The following PTPRR variants were observed in gnomAD, a reference collection of about 807,000 sequenced individuals.
PTPRR encodes receptor-type tyrosine-protein phosphatase R.
A neutral mutation model predicts 77.2 loss-of-function variants in PTPRR; 38 were observed. The ratio of observed to expected loss-of-function variants is 0.49; its 90% CI spans 0.38 to 0.65. The LOEUF is 0.65. Among genes scored for constraint, PTPRR ranks in the 30% least tolerant of loss-of-function variants. The pLI is 0.00. For synonymous variants in PTPRR, 299 were observed against 283.1 expected (o/e 1.06, Z -0.57); for missense variants, 744 against 799.2 (o/e 0.93, Z 0.83).
intron 8 of PTPRR, among the ~76,000 whole-genome samples, chr12:70,687,121 CTTTA>C (rs1388176126): frequency 1.3e-5 from 2 of 151,888 alleles, no homozygotes; most frequent in African/African-American, 2.4e-5. Flanking sequence ...TTAACAGTCT[CTTTA>C]TTTAGATTAG....
rs77215748 is a variant in PTPRR at position 70,823,495 on chromosome 12, C to G, written c.358-58717G>C. Reference sequence around the variant, plus strand: ...AATTATCAGCTCCTCCTCTATATTCCCAGAGTGCCCTACACTTATTTTTTG... The same window carrying G: ...AATTATCAGCTCCTCCTCTATATTCGCAGAGTGCCCTACACTTATTTTTTG... On this transcript the variant is annotated intron_variant, in intron 2 of 13. Transcript: ENST00000283228. Among the ~76,000 whole-genome samples, 654 of 152,260 alleles carry G rather than the reference C, an allele frequency of 4.3e-3. 7 individuals carry two copies. The highest frequency in any genetic ancestry group is 0.015 in the African/African-American group (629 of 41,562).
At chr12:70,878,805 T>G (rs1450559981) in intron 2 of PTPRR, among the ~76,000 whole-genome samples, 3 of 152,216 alleles carry the variant, frequency 2.0e-5, no homozygotes, top group Admixed American at 6.5e-5. Context: ...TGCACACGTA[T>G]GTTTATTGCA....
At chr12:70,873,465 A>T (rs1892996136) in intron 2 of PTPRR, among the ~76,000 whole-genome samples, 1 of 152,218 alleles carries the variant, frequency 6.6e-6, no homozygotes, top group Admixed American at 6.5e-5. Context: ...GTCAAGCTGG[A>T]TGAGATGCCC....
At chr12:70,808,242 C>G (rs770830253) in intron 2 of PTPRR, among the ~76,000 whole-genome samples, 1 of 152,094 alleles carries the variant, frequency 6.6e-6, no homozygotes, top group Non-Finnish European at 1.5e-5. Flanking sequence ...TGCTCTTGAA[C>G]TCTTTTAAGA....
At chr12:70,767,500 C>T (rs1261680835) in intron 2 of PTPRR, among the ~76,000 whole-genome samples, 2 of 151,894 alleles carry the variant, frequency 1.3e-5, no homozygotes, top group African/African-American at 4.8e-5. Flanking sequence ...TACAGGAGCA[C>T]CCAGATTCAT....
At chr12:70,848,783 G>A (rs572070987) in intron 2 of PTPRR, among the ~76,000 whole-genome samples, 12 of 152,270 alleles carry the variant, frequency 7.9e-5, no homozygotes, top group Admixed American at 7.2e-4. Context: ...CCAAAACACT[G>A]GGGTAGAATA....
chr12:70,715,268 C>A (rs565632821), intron 6 of PTPRR, among the ~76,000 whole-genome samples: 1 of 151,944 alleles, frequency 6.6e-6, no homozygotes, highest in Non-Finnish European at 1.5e-5. Context: ...AGGGAGTATA[C>A]GAACAGGGTA....
chr12:70,764,889 T>C (rs1890778898), intron 2 of PTPRR, 111 bp from the exon 3 acceptor site: 1 of 735,114 alleles, frequency 1.4e-6, no homozygotes, highest in Non-Finnish European at 2.3e-6. Context: ...TCTTGACTCA[T>C]GACTGACCAC....
chr12:70,767,253 CT>C (rs1194212033), intron 2 of PTPRR, among the ~76,000 whole-genome samples: 1 of 151,360 alleles, frequency 6.6e-6, no homozygotes, highest in Admixed American at 6.6e-5. Context: ...CATCAGTGTG[CT>C]GTATTCAGGA....
intron 12 of PTPRR, among the ~76,000 whole-genome samples, chr12:70,658,038 C>T (rs1248220811): frequency 1.3e-5 from 2 of 152,188 alleles, no homozygotes; most frequent in African/African-American, 4.8e-5. Context: ...GCTCCATTAA[C>T]TATAGCATAA....
intron 2 of PTPRR, among the ~76,000 whole-genome samples, chr12:70,845,450 C>T (rs1287919681): frequency 6.6e-6 from 1 of 152,060 alleles, no homozygotes; most frequent in Non-Finnish European, 1.5e-5. Context: ...CAGTAGGACG[C>T]ATTTAGAAAG....
chr12:70,852,406 T>C (rs1892585894), intron 2 of PTPRR, among the ~76,000 whole-genome samples: 1 of 152,194 alleles, frequency 6.6e-6, no homozygotes. Context: ...GCATTACAAA[T>C]GGCATAGTTA....
intron 2 of PTPRR, among the ~76,000 whole-genome samples, chr12:70,783,871 G>GGGAC (rs1891259562): frequency 1.3e-5 from 1 of 76,862 alleles, no homozygotes. Flanking sequence ...GACGGGGGGG[G>GGGAC]GGGGCGGGGG....
chr12:70,756,815 A>G (rs1314302807), intron 4 of PTPRR, among the ~76,000 whole-genome samples: 1 of 152,144 alleles, frequency 6.6e-6, no homozygotes, highest in Non-Finnish European at 1.5e-5. Context: ...TCTCAGATGC[A>G]GAAGGAGATC....
At chr12:70,869,249 A>C (rs1182295574) in intron 2 of PTPRR, among the ~76,000 whole-genome samples, 1 of 152,192 alleles carries the variant, frequency 6.6e-6, no homozygotes, top group African/African-American at 2.4e-5. Context: ...AATTTAAGAA[A>C]AAAGGCTCAC....
chr12:70,847,888 T>C (rs760136246), intron 2 of PTPRR, among the ~76,000 whole-genome samples: 3 of 152,232 alleles, frequency 2.0e-5, no homozygotes, highest in Admixed American at 6.5e-5. Flanking sequence ...AGTTGTAACA[T>C]ATAATTTGTG....
intron 2 of PTPRR, among the ~76,000 whole-genome samples, chr12:70,836,388 T>A (rs1285349512): frequency 6.6e-6 from 1 of 151,768 alleles, no homozygotes; most frequent in Non-Finnish European, 1.5e-5. Flanking sequence ...TAAATCTGAA[T>A]GCATACATTA....
intron 2 of PTPRR, among the ~76,000 whole-genome samples, chr12:70,820,707 T>C (rs1417203594): frequency 6.6e-6 from 1 of 152,204 alleles, no homozygotes; most frequent in Non-Finnish European, 1.5e-5. Flanking sequence ...AAGAATCCTG[T>C]TAAGCCAGTT....
chr12:70,761,174 T>C (rs920474916), intron 4 of PTPRR, among the ~76,000 whole-genome samples: 1 of 152,174 alleles, frequency 6.6e-6, no homozygotes, highest in African/African-American at 2.4e-5. Context: ...ATTGACAAAA[T>C]ACATCTAAAT....
Sources: gnomAD v4.1 joint callset for allele counts (sites outside exome capture counted in the v4.1 genomes callset) on GRCh38, gnomAD v4.1.1 for gene constraint, MANE v1.5 for transcripts, NCBI Gene and HGNC (gene_info 2026-07-23, HGNC 2026-07-21) for gene names.